PTPRD: variants seen among roughly 807,000 people sequenced by gnomAD.
The protein encoded by PTPRD is receptor-type tyrosine-protein phosphatase delta.
A neutral mutation model predicts 214.5 loss-of-function variants in PTPRD; 34 were observed. The observed-to-expected ratio is 0.16, with a 90% CI of 0.12 to 0.21. PTPRD has a LOEUF of 0.21. Ranked by LOEUF, PTPRD falls within the 10% of genes least tolerant of loss-of-function variation. The pLI, the probability that PTPRD is intolerant of heterozygous loss-of-function variation, is 1.00. For missense variants in PTPRD, 2,545 were observed against 2,398.7 expected, an observed-to-expected ratio of 1.06 and a Z score of -1.27; for synonymous variants, 1,128 against 845.7, an observed-to-expected ratio of 1.33 and a Z score of -5.79.
intron 4 of PTPRD, among the ~76,000 whole-genome samples, chr9:10,004,216 G>A (rs550268840): frequency 6.6e-6 from 1 of 151,788 alleles, no homozygotes; most frequent in African/African-American, 2.4e-5. Flanking sequence ...TGTATATATT[G>A]GGTGTTGTTT....
At chr9:10,103,377 T>TTATATATATATATATATATA (rs1185795827) in intron 3 of PTPRD, among the ~76,000 whole-genome samples, 2 of 72,424 alleles carry the variant, frequency 2.8e-5, no homozygotes, top group Admixed American at 1.7e-4. Flanking sequence ...AAACTGCATA[T>TTATATATATATATATATATA]TATATATATA....
chr9:10,261,402 G>T (rs1265474621), intron 3 of PTPRD, among the ~76,000 whole-genome samples: 1 of 152,024 alleles, frequency 6.6e-6, no homozygotes, highest in Non-Finnish European at 1.5e-5. Context: ...TACCCTGGTG[G>T]AGTTCAATTG....
chr9:9,683,357 G>C (rs2097110273), intron 7 of PTPRD, among the ~76,000 whole-genome samples: 1 of 151,714 alleles, frequency 6.6e-6, no homozygotes, highest in Non-Finnish European at 1.5e-5. Flanking sequence ...ACAGAACTTT[G>C]TCAGCTGAAC....
At chr9:9,852,351 T>C (rs9407449) in intron 5 of PTPRD, among the ~76,000 whole-genome samples, 197 of 152,136 alleles carry the variant, frequency 1.3e-3, no homozygotes, top group Middle Eastern at 3.4e-3. Context: ...TTAGCTATTA[T>C]TCCCATCAAT....
At chr9:8,508,572 A>T (rs530091857) in intron 21 of PTPRD, among the ~76,000 whole-genome samples, 1 of 145,972 alleles carries the variant, frequency 6.9e-6, no homozygotes, top group South Asian at 2.1e-4. Flanking sequence ...TTCCATTTAT[A>T]TTTAAAGAAA....
intron 39 of PTPRD, among the ~76,000 whole-genome samples, chr9:8,342,520 T>G (rs1244043269): frequency 6.6e-6 from 1 of 152,090 alleles, no homozygotes; most frequent in African/African-American, 2.4e-5. Context: ...TCCAAAATAC[T>G]TTCTCTTCCT....
chr9:8,506,434 A>G (rs1250616547), intron 22 of PTPRD, among the ~76,000 whole-genome samples: 1 of 152,152 alleles, frequency 6.6e-6, no homozygotes, highest in African/African-American at 2.4e-5. Context: ...CTTAATATCG[A>G]TTTCTATCAT....
At chr9:8,496,710 T>C (rs1194070534) in intron 26 of PTPRD, among the ~76,000 whole-genome samples, 2 of 152,222 alleles carry the variant, frequency 1.3e-5, no homozygotes, top group East Asian at 3.8e-4. Context: ...GTCAGATTTA[T>C]GAGCATTATG....
At chr9:9,653,613 C>G (rs946390447) in intron 7 of PTPRD, among the ~76,000 whole-genome samples, 7 of 152,078 alleles carry the variant, frequency 4.6e-5, no homozygotes, top group African/African-American at 1.7e-4. Context: ...AGAAACATTA[C>G]TGAACAGCAT....
At chr9:10,146,783 A>C (rs1260563805) in intron 3 of PTPRD, among the ~76,000 whole-genome samples, 1 of 151,956 alleles carries the variant, frequency 6.6e-6, no homozygotes, top group Non-Finnish European at 1.5e-5. Context: ...AAGAAAAAAA[A>C]GAGGTTTGGG....
chr9:10,050,309 T>C (rs1183823784), intron 3 of PTPRD, among the ~76,000 whole-genome samples: 1 of 151,670 alleles, frequency 6.6e-6, no homozygotes, highest in African/African-American at 2.4e-5. Context: ...CCTGTAATCC[T>C]AGCACTTTGG....
chr9:9,874,923 C>A (rs60102388), intron 5 of PTPRD, among the ~76,000 whole-genome samples: 4,146 of 152,128 alleles, frequency 0.027, 176 homozygotes, highest in African/African-American at 0.095. Flanking sequence ...TCTTATGATT[C>A]CAAGGTTTAT....
chr9:10,212,831 A>G (rs372744053), intron 3 of PTPRD, among the ~76,000 whole-genome samples: 2 of 152,030 alleles, frequency 1.3e-5, no homozygotes, highest in African/African-American at 4.8e-5. Context: ...TTTGTAACCT[A>G]CTCTTTCTTT....
Position 10,589,845 on chromosome 9 carries a change from T to C in PTPRD, c.-600+22553A>G, listed in dbSNP as rs145121770. On this transcript the variant is annotated intron_variant, in intron 2 of 45. Transcript: ENST00000381196. ...AATTTACATTTGAACAGGTGAAATA[T>C]CTGCCTGGAACGCCTAAGAATATTT... Among the ~76,000 whole-genome samples the C allele has an allele frequency of 1.5e-3, 231 of 152,184 alleles. 1 individual carries two copies. The highest frequency in any genetic ancestry group is 5.2e-3 in the African/African-American group (216 of 41,544).
chr9:9,332,638 A>G (rs2042773975), intron 9 of PTPRD, among the ~76,000 whole-genome samples: 2 of 151,798 alleles, frequency 1.3e-5, no homozygotes, highest in African/African-American at 4.8e-5. Context: ...ACGTTGTTCA[A>G]CATTTTCTAG....
At chr9:8,394,177 G>GAAGAAAAAA (rs1253531598) in intron 36 of PTPRD, among the ~76,000 whole-genome samples, 2 of 144,294 alleles carry the variant, frequency 1.4e-5, no homozygotes, top group African/African-American at 4.9e-5. Flanking sequence ...AAACCACCAA[G>GAAGAAAAAA]AAGAAAAAAA....
At chr9:9,552,692 G>T (rs528751642) in intron 8 of PTPRD, among the ~76,000 whole-genome samples, 1 of 151,966 alleles carries the variant, frequency 6.6e-6, no homozygotes, top group Non-Finnish European at 1.5e-5. Context: ...TAGATTCCTC[G>T]GTTCAAGGTT....
At chr9:8,921,369 C>T (rs1253745211) in intron 11 of PTPRD, among the ~76,000 whole-genome samples, 1 of 152,182 alleles carries the variant, frequency 6.6e-6, no homozygotes, top group Non-Finnish European at 1.5e-5. Context: ...GATTATTGTG[C>T]ATATCTGCTC....
At chr9:8,779,050 A>C (rs2095594661) in intron 11 of PTPRD, among the ~76,000 whole-genome samples, 2 of 152,202 alleles carry the variant, frequency 1.3e-5, no homozygotes, top group Admixed American at 1.3e-4. Flanking sequence ...CAAAGGGAAA[A>C]AGAAGGTGGA....
Sources: allele counts gnomAD v4.1 joint callset (sites outside exome capture counted in the v4.1 genomes callset), GRCh38; gene constraint gnomAD v4.1.1; transcripts MANE v1.5; gene names NCBI Gene and HGNC (gene_info 2026-07-23, HGNC 2026-07-21).